The following AGBL1 variants were observed in gnomAD, a reference collection of about 807,000 sequenced individuals.
AGBL1 encodes the protein AGBL carboxypeptidase 1.
In AGBL1, 130 loss-of-function variants were observed where a neutral mutation model predicts 118.9. The observed-to-expected ratio is 1.09, with a 90% CI of 0.95 to 1.26. The LOEUF (loss-of-function observed/expected upper bound fraction) is 1.26, where lower values mean the gene tolerates loss of function less well. Among genes scored for constraint, AGBL1 ranks in the 50% most tolerant of loss-of-function variants. The pLI is 0.00. For missense variants in AGBL1, 1,584 were observed against 1,298.1 expected, an observed-to-expected ratio of 1.22 and a Z score of -3.38; for synonymous variants, 555 against 478.9, an observed-to-expected ratio of 1.16 and a Z score of -2.08.
At chr15:86,949,524 CAAAAG>C (rs1567254871) in intron 23 of AGBL1, among the ~76,000 whole-genome samples, 1 of 151,754 alleles carries the variant, frequency 6.6e-6, no homozygotes, top group Non-Finnish European at 1.5e-5. Context: ...GTCAAATAAT[CAAAAG>C]AAAGTTGACT....
intron 18 of AGBL1, among the ~76,000 whole-genome samples, chr15:86,470,802 G>A (rs1041080719): frequency 4.0e-5 from 6 of 151,882 alleles, no homozygotes; most frequent in Non-Finnish European, 8.8e-5. Flanking sequence ...AAATGGGATT[G>A]TTTGATTGAT....
At chr15:86,660,718 T>A (rs955814096) in intron 21 of AGBL1, among the ~76,000 whole-genome samples, 10 of 152,194 alleles carry the variant, frequency 6.6e-5, no homozygotes, top group African/African-American at 2.2e-4. Flanking sequence ...CCTCATTTAC[T>A]GAACTGAATA....
downstream of AGBL1, among the ~76,000 whole-genome samples, chr15:86,919,885 G>A (rs990722398): frequency 2.6e-5 from 4 of 152,188 alleles, no homozygotes; most frequent in African/African-American, 9.6e-5. Context: ...TGGGACAAGG[G>A]AGAAGGAGTA....
intron 22 of AGBL1, among the ~76,000 whole-genome samples, chr15:86,859,233 G>C (rs2079527179): frequency 6.6e-6 from 1 of 152,180 alleles, no homozygotes; most frequent in African/African-American, 2.4e-5. Flanking sequence ...TGATCACCCT[G>C]GATGCCAGAA....
intron 17 of AGBL1, among the ~76,000 whole-genome samples, chr15:86,302,217 T>C (rs1475352195): frequency 6.6e-6 from 1 of 152,156 alleles, no homozygotes; most frequent in Non-Finnish European, 1.5e-5. Flanking sequence ...GGTAGTTGAA[T>C]AGCTTGGCTA....
chr15:86,152,833 T>A (rs186531356), intron 3 of AGBL1, among the ~76,000 whole-genome samples: 109 of 152,038 alleles, frequency 7.2e-4, no homozygotes, highest in Non-Finnish European at 1.2e-3. Context: ...AACAACCCCA[T>A]CAAAAAGTGG....
intron 5 of AGBL1, among the ~76,000 whole-genome samples, chr15:86,202,985 G>T (rs1346277215): frequency 6.6e-6 from 1 of 152,168 alleles, no homozygotes; most frequent in Non-Finnish European, 1.5e-5. Flanking sequence ...TTGAGAGGCT[G>T]AGGCTGGAGG....
intron 5 of AGBL1, among the ~76,000 whole-genome samples, chr15:86,199,155 T>C (rs2077864605): frequency 6.6e-6 from 1 of 152,238 alleles, no homozygotes. Flanking sequence ...ATACAAGTTG[T>C]GTATTACCAT....
chr15:86,700,104 C>G (rs1294560140), intron 22 of AGBL1, among the ~76,000 whole-genome samples: 2 of 151,864 alleles, frequency 1.3e-5, no homozygotes, highest in African/African-American at 4.8e-5. Flanking sequence ...AAGGATTACT[C>G]TTTTCTTCAG....
intron 5 of AGBL1, among the ~76,000 whole-genome samples, chr15:86,205,902 A>G (rs765158456): frequency 2.0e-5 from 3 of 152,294 alleles, no homozygotes; most frequent in Middle Eastern, 3.4e-3. Context: ...ATTGGTATAC[A>G]TGTGCCATGT....
Position 86,254,413 on chromosome 15 carries a change from C to T in AGBL1, c.736-2440C>T, listed in dbSNP as rs144533959. On this transcript the variant is annotated intron_variant, in intron 7 of 22. Coordinates refer to ENST00000614907, the MANE Select transcript of AGBL1 (RefSeq NM_001386094.1). ...TAATCTTTAGTCCAGGATTTAAACT[C>T]ATGTAGTCTGGCTCCAGGACCTGAG... Among the ~76,000 whole-genome samples the T allele has an allele frequency of 1.9e-3, 282 of 152,342 alleles. 2 individuals carry two copies. The highest frequency in any genetic ancestry group is 6.5e-3 in the African/African-American group (269 of 41,584).
At chr15:86,245,650 C>T (rs575978672) in intron 6 of AGBL1, among the ~76,000 whole-genome samples, 47 of 152,284 alleles carry the variant, frequency 3.1e-4, no homozygotes, top group African/African-American at 1.1e-3. Context: ...CCGTAAAATA[C>T]GGTTTTATGG....
At chr15:86,878,772 C>T (rs1326015793) in intron 22 of AGBL1, among the ~76,000 whole-genome samples, 1 of 152,230 alleles carries the variant, frequency 6.6e-6, no homozygotes, top group African/African-American at 2.4e-5. Flanking sequence ...GCCTGCTCAA[C>T]TGGGACATTT....
At chr15:86,131,134 G>A (rs1321406173) in intron 1 of AGBL1, among the ~76,000 whole-genome samples, 1 of 152,112 alleles carries the variant, frequency 6.6e-6, no homozygotes, top group Non-Finnish European at 1.5e-5. Flanking sequence ...GAGACTTAGG[G>A]CTTCAGATGC....
chr15:86,737,836 G>A (rs777036991), intron 22 of AGBL1, among the ~76,000 whole-genome samples: 3 of 152,178 alleles, frequency 2.0e-5, no homozygotes, highest in African/African-American at 7.2e-5. Context: ...ATTTTAAAAT[G>A]TAAATGGGCT....
chr15:86,901,716 C>T (rs1049701020), intron 22 of AGBL1, among the ~76,000 whole-genome samples: 4 of 152,166 alleles, frequency 2.6e-5, no homozygotes, highest in Admixed American at 1.3e-4. Flanking sequence ...AAAATATTTA[C>T]TTCAAAATAG....
At chr15:86,824,378 C>A (rs1332959174) in intron 22 of AGBL1, among the ~76,000 whole-genome samples, 1 of 152,118 alleles carries the variant, frequency 6.6e-6, no homozygotes, top group Non-Finnish European at 1.5e-5. Context: ...ATACCCTTAA[C>A]AAAACATGTA....
At chr15:86,191,859 G>A (rs568295398) in intron 5 of AGBL1, among the ~76,000 whole-genome samples, 1 of 151,192 alleles carries the variant, frequency 6.6e-6, no homozygotes, top group East Asian at 1.9e-4. Context: ...GAAGATTGAG[G>A]CCAGGAGTAT....
chr15:86,664,414 A>T (rs2447281), intron 21 of AGBL1, among the ~76,000 whole-genome samples: 1 of 152,152 alleles, frequency 6.6e-6, no homozygotes, highest in South Asian at 2.1e-4. Flanking sequence ...TCTGTTGGGT[A>T]CATGTCAAGG....
Sources: allele counts gnomAD v4.1 joint callset (sites outside exome capture counted in the v4.1 genomes callset), GRCh38; gene constraint gnomAD v4.1.1; transcripts MANE v1.5; gene names NCBI Gene and HGNC (gene_info 2026-07-23, HGNC 2026-07-21).